The following PKP4 variants were observed in gnomAD, a reference collection of about 807,000 sequenced individuals.
PKP4 encodes the protein plakophilin 4.
In PKP4, 90 loss-of-function variants were observed where a neutral mutation model predicts 145.1. The ratio of observed to expected loss-of-function variants is 0.62; its 90% CI spans 0.52 to 0.74. The LOEUF is 0.74. Among genes scored for constraint, PKP4 ranks in the 30% least tolerant of loss-of-function variants. The pLI is 0.00. For missense variants in PKP4, 1,340 were observed against 1,482.7 expected (o/e 0.90, Z 1.58); for synonymous variants, 563 against 577.2 (o/e 0.98, Z 0.35).
At position 158,663,323 on chromosome 2, in the gene PKP4, G is replaced by A. The variant is rs1170665978; in HGVS notation, c.2455G>A (p.Glu819Lys). The change falls in exon 15 of 22, where the codon GAG becomes AAG. Residue 819 changes from glutamate (E) to lysine (K), a missense_variant. By Grantham distance (56) the Glu-to-Lys change is moderately conservative. Coordinates refer to ENST00000389759, the MANE Select transcript of PKP4 (RefSeq NM_003628.6). ...PGLSKSPKGV[E>K]MLWHPSVVKP... is the part of the protein sequence containing the mutation. ...ACTGTCGAAGTCCCCCAAAGGGGTT[G>A]AGATGCTGTGGCACCCATCGGTGGT... 6.2e-7 allele frequency: 1 copy of A among 1,614,020 alleles called. No homozygotes were observed. The highest frequency in any genetic ancestry group is 1.3e-5 in the African/African-American group (1 of 74,938).
chr2:158,616,524 T>G (rs2051640086), intron 4 of PKP4, among the ~76,000 whole-genome samples: 1 of 152,048 alleles, frequency 6.6e-6, no homozygotes, highest in African/African-American at 2.4e-5. Context: ...CAGCCTAACC[T>G]CAGCTCACAA....
At chr2:158,496,336 G>T (rs1282665922) in intron 1 of PKP4, among the ~76,000 whole-genome samples, 2 of 152,084 alleles carry the variant, frequency 1.3e-5, no homozygotes, top group Non-Finnish European at 2.9e-5. Context: ...CCTAATAAAT[G>T]CCATGTTATA....
chr2:158,579,896 A>T (rs2048190461), intron 3 of PKP4, among the ~76,000 whole-genome samples: 1 of 152,050 alleles, frequency 6.6e-6, no homozygotes, highest in South Asian at 2.1e-4. Context: ...AATACTGCAT[A>T]ATAATTAAAT....
At chr2:158,667,328 G>A (rs184992193) in intron 16 of PKP4, among the ~76,000 whole-genome samples, 8 of 152,212 alleles carry the variant, frequency 5.3e-5, no homozygotes, top group East Asian at 1.9e-4. Context: ...ATATAACCCC[G>A]TTCAGGCTCC....
intron 2 of PKP4, among the ~76,000 whole-genome samples, chr2:158,555,447 G>A (rs1032371625): frequency 2.0e-5 from 3 of 152,162 alleles, no homozygotes; most frequent in Admixed American, 2.0e-4. Flanking sequence ...TAAATAATTT[G>A]GAGTAGACAC....
chr2:158,496,759 CGTGTGT>C (rs58108158), intron 1 of PKP4, among the ~76,000 whole-genome samples: 178 of 144,902 alleles, frequency 1.2e-3, no homozygotes, highest in East Asian at 0.011. Flanking sequence ...CTTCTCTCTC[CGTGTGT>C]GTGTGTGTGT....
chr2:158,614,585 A>G (rs1356313327), intron 4 of PKP4, among the ~76,000 whole-genome samples: 1 of 152,230 alleles, frequency 6.6e-6, no homozygotes, highest in Non-Finnish European at 1.5e-5. Flanking sequence ...AGATGTCTCA[A>G]TATGTTTATC....
chr2:158,619,473 C>T (rs1035797596), intron 4 of PKP4, among the ~76,000 whole-genome samples: 1 of 152,204 alleles, frequency 6.6e-6, no homozygotes, highest in African/African-American at 2.4e-5. Flanking sequence ...GGAAACAAAA[C>T]CTTGAATTGA....
At chr2:158,578,041 G>C (rs774579067) in intron 3 of PKP4, 1 of 164,508 alleles carries the variant, frequency 6.1e-6, no homozygotes, top group East Asian at 1.9e-4. Context: ...ACATATTTCT[G>C]TAAAGCCTAC....
chr2:158,492,304 T>G (rs1054715280), intron 1 of PKP4, among the ~76,000 whole-genome samples: 4 of 152,204 alleles, frequency 2.6e-5, no homozygotes, highest in Non-Finnish European at 4.4e-5. Flanking sequence ...TATTCCCATA[T>G]TCTTATAAAA....
chr2:158,588,694 C>G (rs761333536), intron 3 of PKP4, among the ~76,000 whole-genome samples: 2 of 152,148 alleles, frequency 1.3e-5, no homozygotes, highest in Non-Finnish European at 2.9e-5. Flanking sequence ...AACTTTCTTT[C>G]TACCTATAAT....
chr2:158,470,885 G>GA (rs1691463835), intron 1 of PKP4, among the ~76,000 whole-genome samples: 1 of 152,174 alleles, frequency 6.6e-6, no homozygotes, highest in Non-Finnish European at 1.5e-5. Context: ...CGGGGCTGGG[G>GA]AGGGGAGCAG....
intron 11 of PKP4, among the ~76,000 whole-genome samples, chr2:158,650,603 G>GC (rs2055270457): frequency 6.6e-6 from 1 of 152,100 alleles, no homozygotes; most frequent in Non-Finnish European, 1.5e-5. Flanking sequence ...GCAGGCTGGG[G>GC]CCCCTGTGTG....
chr2:158,650,518 A>G (rs1409386157), intron 11 of PKP4, among the ~76,000 whole-genome samples: 1 of 152,198 alleles, frequency 6.6e-6, no homozygotes, highest in Non-Finnish European at 1.5e-5. Context: ...TATTCTCTAA[A>G]GGCACTAAAG....
intron 1 of PKP4, among the ~76,000 whole-genome samples, chr2:158,468,168 T>TC (rs1411937951): frequency 2.0e-5 from 3 of 152,240 alleles, no homozygotes; most frequent in Non-Finnish European, 2.9e-5. Context: ...TCATAATTTT[T>TC]AAAACTTTCT....
chr2:158,553,968 A>T (rs991220624), intron 2 of PKP4, among the ~76,000 whole-genome samples: 2 of 151,984 alleles, frequency 1.3e-5, no homozygotes, highest in African/African-American at 4.8e-5. Flanking sequence ...ACTTTTGGAG[A>T]TGTTGGAATG....
intron 8 of PKP4, 124 bp downstream of exon 8, chr2:158,632,065 C>A: frequency 1.3e-6 from 1 of 769,162 alleles, no homozygotes; most frequent in South Asian, 1.7e-5. Context: ...AGATAAGCAG[C>A]TGTGACAGCA....
intron 16 of PKP4, among the ~76,000 whole-genome samples, chr2:158,666,891 T>C (rs572468565): frequency 4.0e-4 from 61 of 152,326 alleles, no homozygotes; most frequent in Middle Eastern, 3.4e-3. Flanking sequence ...TAATCTCCCT[T>C]TCCAATTTTT....
chr2:158,615,131 G>A (rs2051476661), intron 4 of PKP4, among the ~76,000 whole-genome samples: 1 of 151,520 alleles, frequency 6.6e-6, no homozygotes, highest in African/African-American at 2.4e-5. Context: ...GGTTTTTTTG[G>A]TTTTTAACAA....
Sources: allele counts gnomAD v4.1 joint callset (sites outside exome capture counted in the v4.1 genomes callset), GRCh38; gene constraint gnomAD v4.1.1; transcripts MANE v1.5; gene names NCBI Gene and HGNC (gene_info 2026-07-23, HGNC 2026-07-21).